The following AFG2A variants were observed in gnomAD, a reference collection of about 807,000 sequenced individuals.
The protein encoded by AFG2A is AAA ATPase AFG2A, also known as ATPase family gene 2 protein homolog A.
chr4:123,113,078 T>C, the AFG2A span, among the ~76,000 whole-genome samples: 1 of 152,232 alleles, frequency 6.6e-6, no homozygotes, highest in Non-Finnish European at 1.5e-5. Context: ...GCTTTTTTTC[T>C]CCAATGTGTT....
At chr4:123,296,244 C>T in the AFG2A span, among the ~76,000 whole-genome samples, 3 of 150,978 alleles carry the variant, frequency 2.0e-5, no homozygotes, top group Middle Eastern at 7.0e-3. Flanking sequence ...ATAAGAAATA[C>T]AGGAGGCAGG....
At chr4:123,119,281 T>C in the AFG2A span, among the ~76,000 whole-genome samples, 92,605 of 152,048 alleles carry the variant, frequency 0.61, 33,070 homozygotes, top group East Asian at 0.97. Context: ...ATTAAGTGTT[T>C]AGTAAATTTT....
chr4:123,103,680 A>C, the AFG2A span, among the ~76,000 whole-genome samples: 1 of 152,174 alleles, frequency 6.6e-6, no homozygotes. Context: ...AAAATGAATA[A>C]ATTGTCCAGC....
chr4:123,169,957 C>T, the AFG2A span, among the ~76,000 whole-genome samples: 1 of 152,114 alleles, frequency 6.6e-6, no homozygotes, highest in African/African-American at 2.4e-5. Flanking sequence ...CTGGAATGAT[C>T]AAGAAAAGCT....
At chr4:123,002,757 T>C in the AFG2A span, among the ~76,000 whole-genome samples, 1 of 152,160 alleles carries the variant, frequency 6.6e-6, no homozygotes. Context: ...TCATTTTAAC[T>C]TTGGTGAATC....
chr4:122,945,092 G>A, the AFG2A span, among the ~76,000 whole-genome samples: 1 of 152,220 alleles, frequency 6.6e-6, no homozygotes, highest in Non-Finnish European at 1.5e-5. Context: ...AGGGGTCAGG[G>A]ACCCACTTGA....
the AFG2A span, among the ~76,000 whole-genome samples, chr4:123,259,196 A>T: frequency 2.0e-5 from 3 of 152,112 alleles, no homozygotes; most frequent in East Asian, 5.8e-4. Context: ...GGATGAGAAG[A>T]GGTTACTTTA....
At chr4:122,945,313 G>A in the AFG2A span, among the ~76,000 whole-genome samples, 5 of 152,218 alleles carry the variant, frequency 3.3e-5, no homozygotes, top group African/African-American at 4.8e-5. Flanking sequence ...TCCGGGCTGC[G>A]GCTGCTTTGT....
chr4:123,089,286 C>T, the AFG2A span, among the ~76,000 whole-genome samples: 1 of 152,286 alleles, frequency 6.6e-6, no homozygotes, highest in East Asian at 1.9e-4. Flanking sequence ...AAATATATTA[C>T]ATGATGATTA....
chr4:123,250,382 G>A, the AFG2A span, among the ~76,000 whole-genome samples: 1 of 152,136 alleles, frequency 6.6e-6, no homozygotes, highest in Non-Finnish European at 1.5e-5. Flanking sequence ...ACTATGCAGT[G>A]TAAGCTGTGG....
the AFG2A span, among the ~76,000 whole-genome samples, chr4:123,100,321 CAA>C: frequency 6.6e-6 from 1 of 151,836 alleles, no homozygotes; most frequent in Non-Finnish European, 1.5e-5. Context: ...GATTTTATTC[CAA>C]AGTCTGTAAA....
the AFG2A span, among the ~76,000 whole-genome samples, chr4:123,284,491 T>C: frequency 6.6e-6 from 1 of 152,224 alleles, no homozygotes; most frequent in East Asian, 1.9e-4. Context: ...TCATTTGTTT[T>C]AGAATACTTC....
At chr4:122,972,407 A>G in the AFG2A span, among the ~76,000 whole-genome samples, 1 of 150,938 alleles carries the variant, frequency 6.6e-6, no homozygotes, top group South Asian at 2.1e-4. Flanking sequence ...CAGACAACCA[A>G]CCTTTGGCTT....
chr4:123,068,880 C>T, the AFG2A span, among the ~76,000 whole-genome samples: 1 of 152,240 alleles, frequency 6.6e-6, no homozygotes, highest in South Asian at 2.1e-4. Flanking sequence ...GAGACTCTTA[C>T]ATAATTTTAT....
the AFG2A span, among the ~76,000 whole-genome samples, chr4:123,088,583 G>A: frequency 4.6e-5 from 7 of 152,114 alleles, no homozygotes; most frequent in African/African-American, 1.2e-4. Flanking sequence ...TGTAATCCCC[G>A]TATGTTGGAG....
At chr4:123,040,807 A>G in the AFG2A span, among the ~76,000 whole-genome samples, 1 of 152,160 alleles carries the variant, frequency 6.6e-6, no homozygotes, top group African/African-American at 2.4e-5. Context: ...AGTATTGGTG[A>G]TTAAATTGTA....
At chr4:123,024,673 C>T in the AFG2A span, among the ~76,000 whole-genome samples, 1 of 152,220 alleles carries the variant, frequency 6.6e-6, no homozygotes, top group African/African-American at 2.4e-5. Flanking sequence ...TAGCCTTAAC[C>T]CCCAGCAAGG....
the AFG2A span, among the ~76,000 whole-genome samples, chr4:123,007,886 T>G: frequency 6.6e-6 from 1 of 151,946 alleles, no homozygotes; most frequent in Admixed American, 6.6e-5. Context: ...AGGGCTCATC[T>G]TATTGGTTTC....
the AFG2A span, chr4:122,938,278 G>T: frequency 6.9e-5 from 104 of 1,509,006 alleles, 1 homozygote; most frequent in East Asian, 2.2e-3. Context: ...TTGATTCTGT[G>T]TAGGGTTAAT....
Sources: gnomAD v4.1 joint callset for allele counts (sites outside exome capture counted in the v4.1 genomes callset) on GRCh38, gnomAD v4.1.1 for gene constraint, MANE v1.5 for transcripts, NCBI Gene and HGNC (gene_info 2026-07-23, HGNC 2026-07-21) for gene names.